The following NPSR1 variants were observed in gnomAD, a reference collection of about 807,000 sequenced individuals.
The protein encoded by NPSR1 is neuropeptide S receptor.
NPSR1 carries 48 observed loss-of-function variants against 46.9 expected under a neutral mutation model. The ratio of observed to expected loss-of-function variants is 1.02; its 90% confidence interval spans 0.81 to 1.30. The LOEUF is 1.30. Among genes scored for constraint, NPSR1 ranks in the 50% most tolerant of loss-of-function variants. The pLI is 0.00. For missense variants in NPSR1, 450 were observed against 449.5 expected, an observed-to-expected ratio of 1.00 and a Z score of -0.01; for synonymous variants, 176 against 168.1, an observed-to-expected ratio of 1.05 and a Z score of -0.36.
At chr7:34,861,544 T>G (rs1002473571) in intron 8 of NPSR1, among the ~76,000 whole-genome samples, 1 of 151,946 alleles carries the variant, frequency 6.6e-6, no homozygotes, top group Non-Finnish European at 1.5e-5. Flanking sequence ...CTATGTTTAT[T>G]GTTGATATCT....
chr7:34,776,483 C>G (rs1471719709), intron 2 of NPSR1, among the ~76,000 whole-genome samples: 1 of 152,078 alleles, frequency 6.6e-6, no homozygotes, highest in African/African-American at 2.4e-5. Context: ...TAGTTTTTGT[C>G]TTGAAATCTA....
intron 2 of NPSR1, among the ~76,000 whole-genome samples, chr7:34,759,484 C>T (rs1405443338): frequency 5.3e-5 from 8 of 152,206 alleles, no homozygotes; most frequent in Admixed American, 2.0e-4. Context: ...CAATTTGGTG[C>T]GTGTTTCTGT....
intron 2 of NPSR1, among the ~76,000 whole-genome samples, chr7:34,734,039 C>T (rs957317848): frequency 1.3e-5 from 2 of 152,086 alleles, no homozygotes; most frequent in African/African-American, 4.8e-5. Context: ...TACAAATATT[C>T]CCCTGGAAAT....
At chr7:34,748,901 A>T in intron 2 of NPSR1, among the ~76,000 whole-genome samples, 1 of 152,090 alleles carries the variant, frequency 6.6e-6, no homozygotes, top group East Asian at 1.9e-4. Flanking sequence ...ATCTGTGACC[A>T]ATGGAACTGA....
In NPSR1 at chr7:34,751,633, A is replaced by C. The variant is rs72552327; in HGVS notation, c.281-26829A>C. On this transcript the variant is annotated intron_variant, in intron 2 of 8. Coordinates refer to ENST00000360581, the MANE Select transcript of NPSR1 (RefSeq NM_207172.2). The stretch of plus-strand genomic sequence containing the variant: ...GAGCTCTCCACTCACTGCCTGCTCC[A>C]AGTGGACCAGCTGCTGCAGAGCCAC... The C allele has an allele frequency of 7.2e-5, 115 of 1,600,436 alleles. 1 individual carries two copies. The African/African-American group carries it at 1.5e-3, about 20-fold the overall frequency.
intron 2 of NPSR1, among the ~76,000 whole-genome samples, chr7:34,763,129 A>G (rs1036770255): frequency 6.6e-6 from 1 of 152,222 alleles, no homozygotes; most frequent in East Asian, 1.9e-4. Context: ...GAAAAAAGAT[A>G]AAACTATAAA....
intron 1 of NPSR1, among the ~76,000 whole-genome samples, chr7:34,683,199 T>C (rs553466688): frequency 6.6e-6 from 1 of 152,150 alleles, no homozygotes; most frequent in South Asian, 2.1e-4. Context: ...ATCCCAGCAC[T>C]TTGGGAGGCT....
chr7:34,658,644 C>A, intron 1 of NPSR1, 85 bp downstream of exon 1: 2 of 1,294,404 alleles, frequency 1.5e-6, no homozygotes, highest in Middle Eastern at 1.9e-4. Context: ...AGTATCATAG[C>A]CAGTATTGTG....
chr7:34,847,470 A>C (rs562768020), intron 7 of NPSR1, among the ~76,000 whole-genome samples: 2 of 152,258 alleles, frequency 1.3e-5, no homozygotes, highest in East Asian at 3.9e-4. Context: ...GAGAATTCCC[A>C]AGCTGCAGTT....
intron 3 of NPSR1, among the ~76,000 whole-genome samples, chr7:34,809,120 G>A (rs1788854898): frequency 6.6e-6 from 1 of 152,002 alleles, no homozygotes; most frequent in African/African-American, 2.4e-5. Context: ...GCCATTGTGT[G>A]CTTTCTTTTT....
intron 2 of NPSR1, among the ~76,000 whole-genome samples, chr7:34,776,004 A>C (rs1045939950): frequency 1.3e-5 from 2 of 152,130 alleles, no homozygotes; most frequent in Non-Finnish European, 2.9e-5. Flanking sequence ...ATTCAGGAGC[A>C]TATGGTTTGA....
intron 3 of NPSR1, among the ~76,000 whole-genome samples, chr7:34,795,335 G>A (rs1221663321): frequency 3.9e-5 from 6 of 152,120 alleles, no homozygotes; most frequent in Admixed American, 3.9e-4. Flanking sequence ...GAGAAACTAT[G>A]AGCTTTCTTG....
chr7:34,698,097 A>G (rs924049068), intron 2 of NPSR1, among the ~76,000 whole-genome samples: 3 of 152,184 alleles, frequency 2.0e-5, no homozygotes, highest in African/African-American at 7.2e-5. Flanking sequence ...GCAGCTACAT[A>G]TGTGTATCAA....
At chr7:34,757,827 C>T (rs901426868) in intron 2 of NPSR1, among the ~76,000 whole-genome samples, 6 of 152,228 alleles carry the variant, frequency 3.9e-5, no homozygotes, top group Admixed American at 2.6e-4. Flanking sequence ...GCTCCACTCC[C>T]CACTCAGCAC....
chr7:34,662,045 A>T (rs1049524550), intron 1 of NPSR1, among the ~76,000 whole-genome samples: 1 of 152,186 alleles, frequency 6.6e-6, no homozygotes, highest in Non-Finnish European at 1.5e-5. Flanking sequence ...ACTTAATGAG[A>T]AACCTAATTA....
chr7:34,697,137 A>AT (rs577906106), intron 2 of NPSR1, among the ~76,000 whole-genome samples: 7 of 151,610 alleles, frequency 4.6e-5, no homozygotes, highest in East Asian at 3.9e-4. Context: ...TGGATTCTTT[A>AT]TTTTTTTTAT....
chr7:34,747,676 C>A (rs558873963), intron 2 of NPSR1, among the ~76,000 whole-genome samples: 1 of 152,096 alleles, frequency 6.6e-6, no homozygotes, highest in South Asian at 2.1e-4. Flanking sequence ...GACTGGATAC[C>A]GCATGAGTTT....
chr7:34,751,674 C>G, intron 2 of NPSR1: 3 of 1,591,512 alleles, frequency 1.9e-6, no homozygotes, highest in Non-Finnish European at 2.6e-6. Flanking sequence ...CAGCCAGGGA[C>G]AAGAGGTTCA....
intron 3 of NPSR1, among the ~76,000 whole-genome samples, chr7:34,807,786 C>T (rs1788775429): frequency 6.6e-6 from 1 of 151,928 alleles, no homozygotes; most frequent in Non-Finnish European, 1.5e-5. Context: ...TTATTTTAGT[C>T]TTTCTATATT....
Sources: allele counts gnomAD v4.1 joint callset (sites outside exome capture counted in the v4.1 genomes callset), GRCh38; gene constraint gnomAD v4.1.1; transcripts MANE v1.5; gene names NCBI Gene and HGNC (gene_info 2026-07-23, HGNC 2026-07-21).